The following TNNT1 variants were observed in gnomAD, a reference collection of about 807,000 sequenced individuals.
TNNT1 encodes troponin T, slow skeletal muscle.
A neutral mutation model predicts 50.6 loss-of-function variants in TNNT1; 53 were observed. The ratio of observed to expected loss-of-function variants is 1.05; its 90% CI spans 0.84 to 1.32. The LOEUF (loss-of-function observed/expected upper bound fraction) is 1.32. TNNT1 is among the 40% of genes most tolerant of loss of function. The pLI, the probability that TNNT1 is intolerant of heterozygous loss-of-function variation, is 0.00. For synonymous variants in TNNT1, 142 were observed against 138.0 expected (o/e 1.03, Z -0.20); for missense variants, 348 against 381.7 (o/e 0.91, Z 0.74).
At chr19:55,135,043 T>C (rs760721063) in intron 11 of TNNT1, among the ~76,000 whole-genome samples, 47 of 152,246 alleles carry the variant, frequency 3.1e-4, no homozygotes, top group Admixed American at 1.5e-3. Context: ...TGCCTACCTG[T>C]TAGCCCTTCT....
At chr19:55,138,165 C>T (rs1248463317) in intron 9 of TNNT1, 91 bp from the exon 10 acceptor site, 58 of 1,604,454 alleles carry the variant, frequency 3.6e-5, no homozygotes, top group Non-Finnish European at 4.4e-5. Context: ...CAGGGATCAG[C>T]AGACCCAGTG....
chr19:55,146,583 C>G, intron 4 of TNNT1, 98 bp downstream of exon 4: 1 of 1,225,960 alleles, frequency 8.2e-7, no homozygotes, highest in Non-Finnish European at 1.1e-6. Flanking sequence ...GACCGGGAGC[C>G]GAGGCCGTCG....
intron 11 of TNNT1, among the ~76,000 whole-genome samples, chr19:55,135,708 G>A (rs1050613651): frequency 6.6e-6 from 1 of 151,960 alleles, no homozygotes; most frequent in African/African-American, 2.4e-5. Flanking sequence ...TGTATTTTTA[G>A]TAGAGATGGG....
chr19:55,133,593 G>A (rs1473957240), intron 13 of TNNT1: 12 of 490,796 alleles, frequency 2.4e-5, no homozygotes, highest in South Asian at 8.8e-5. Flanking sequence ...CAGGAGAATC[G>A]CTTGAACCCG....
intron 13 of TNNT1, chr19:55,133,669 C>T (rs1046613755): frequency 3.5e-5 from 21 of 594,788 alleles, no homozygotes; most frequent in East Asian, 1.1e-4. Flanking sequence ...CAGAGCGAGA[C>T]GCAGTCTCAA....
At chr19:55,146,389 C>G (rs531864401) in intron 5 of TNNT1, 45 bp downstream of exon 5, 1 of 1,323,788 alleles carries the variant, frequency 7.6e-7, no homozygotes, top group Non-Finnish European at 9.7e-7. Flanking sequence ...GGGGTCCCCC[C>G]GGGCCCCCGA....
chr19:55,141,879 T>A lies in TNNT1; in HGVS notation c.170A>T (p.Glu57Val). The part of the protein sequence containing the change: ...VPPLIPPKIP[E>V]GERVDFDDIH... ...TACATCGAAGTCAACGCGCTCCCCT[T>A]CTGGGATCTTTGGCGGGATCAAAGG... Residue 57 changes from glutamate to valine, a missense_variant, in exon 7 of 14, where the codon GAA becomes GTA. Glu to Val is a moderately radical substitution (Grantham distance 121). Around this residue, in one of 3 missense-constraint regions of TNNT1, gnomAD observed 5 missense variants for 19.1 expected, o/e 0.26. Transcript: ENST00000588981. 6.2e-7 allele frequency: 1 copy of A among 1,613,962 alleles called. No individual in the cohort carries two copies. Among genetic ancestry groups the A allele is most frequent in the South Asian group, 1.1e-5 (1 of 91,078 alleles).
At chr19:55,140,193 C>T (rs1316370325) in intron 9 of TNNT1, among the ~76,000 whole-genome samples, 2 of 151,834 alleles carry the variant, frequency 1.3e-5, no homozygotes, top group Admixed American at 1.3e-4. Context: ...GGCACGATGG[C>T]TCATGCCTGT....
chr19:55,147,098 C>T, intron 2 of TNNT1, 28 bp downstream of exon 2: 1 of 1,613,650 alleles, frequency 6.2e-7, no homozygotes, highest in Non-Finnish European at 8.5e-7. Flanking sequence ...CCACTGCACG[C>T]CCCAACCCCT....
At chr19:55,141,393 C>T in intron 7 of TNNT1, 91 bp from the exon 8 acceptor site, 3 of 926,742 alleles carry the variant, frequency 3.2e-6, no homozygotes, top group Non-Finnish European at 5.4e-6. Context: ...TGAACTGAAC[C>T]GTTTCCCAGG....
At chr19:55,139,401 C>G (rs2085411268) in intron 9 of TNNT1, among the ~76,000 whole-genome samples, 1 of 152,168 alleles carries the variant, frequency 6.6e-6, no homozygotes, top group Non-Finnish European at 1.5e-5. Flanking sequence ...AAATTGGTCC[C>G]CCTGGGCTGG....
At position 55,141,173 on chromosome 19, in the gene TNNT1, A is replaced by C; in HGVS notation, c.309+13T>G. 1 of 1,608,806 alleles carries C rather than the reference A, an allele frequency of 6.2e-7. No individual in the cohort carries two copies. The highest frequency in any genetic ancestry group is 8.5e-7 in the Non-Finnish European group (1 of 1,175,162). ...GGGAGGAAGACCGGGGGGAACCCGG[A>C]CTCTCGGCTCACAATGCGCTCCTTC... On this transcript the variant is annotated intron_variant, in intron 8 of 13. Transcript: ENST00000588981.
chr19:55,137,864 C>T (rs2085381717), intron 10 of TNNT1, 97 bp downstream of exon 10: 1 of 1,474,856 alleles, frequency 6.8e-7, no homozygotes, highest in East Asian at 2.3e-5. Context: ...ACCCAGGAAT[C>T]CAGGCCTCAG....
chr19:55,133,198 T>C (rs562250912), intron 13 of TNNT1, among the ~76,000 whole-genome samples: 1 of 132,298 alleles, frequency 7.6e-6, no homozygotes, highest in Admixed American at 7.7e-5. Context: ...AGGGTGTTCA[T>C]GGGGGAGCTG....
chr19:55,141,164 G>A (rs1228476844), intron 8 of TNNT1, 22 bp downstream of exon 8: 16 of 1,597,764 alleles, frequency 1.0e-5, no homozygotes, highest in Non-Finnish European at 1.4e-5. Flanking sequence ...AAGACCGGGG[G>A]GAACCCGGAC....
intron 9 of TNNT1, 72 bp from the exon 10 acceptor site, chr19:55,138,146 A>G: frequency 1.2e-6 from 2 of 1,611,044 alleles, no homozygotes; most frequent in Admixed American, 3.4e-5. Flanking sequence ...GGGATGTGGA[A>G]CTGGGGCACA....
chr19:55,145,990 GCCCCC>G (rs983751047), intron 5 of TNNT1, among the ~76,000 whole-genome samples: 1 of 21,668 alleles, frequency 4.6e-5, no homozygotes, highest in Non-Finnish European at 1.0e-4. Context: ...CCGCCCCACC[GCCCCC>G]CCGCCCCCGG....
At chr19:55,133,685 A>T (rs937671073) in intron 13 of TNNT1, 5 of 649,388 alleles carry the variant, frequency 7.7e-6, no homozygotes, top group Admixed American at 5.7e-5. Flanking sequence ...CTCAATAAAA[A>T]AAAAAAAAAA....
chr19:55,138,088 G>A lies in TNNT1; in HGVS notation c.388-14C>T. ...CATCTTCTCCTCCTGTGGGAAGTAA[G>A]GGGTTAACCTCATGGACTCCCCTGT... is the stretch of plus-strand genomic sequence containing the variant. On this transcript the variant is annotated splice_polypyrimidine_tract_variant and intron_variant, in intron 9 of 13. Transcript: ENST00000588981. The A allele has an allele frequency of 1.2e-6, 2 of 1,614,070 alleles. No individual in the cohort carries two copies. The highest frequency in any genetic ancestry group is 1.7e-6 in the Non-Finnish European group (2 of 1,179,984).
Sources: allele counts gnomAD v4.1 joint callset (sites outside exome capture counted in the v4.1 genomes callset), GRCh38; gene constraint gnomAD v4.1.1; regional missense constraint gnomAD v4.1.1; transcripts MANE v1.5; gene names NCBI Gene and HGNC (gene_info 2026-07-23, HGNC 2026-07-21).